SPIDR: variants seen among roughly 807,000 people sequenced by gnomAD.
The protein encoded by SPIDR is DNA repair-scaffolding protein.
SPIDR carries 93 observed loss-of-function variants against 104.6 expected under a neutral mutation model. That is an observed-to-expected ratio of 0.89 (90% CI 0.75 to 1.06). The LOEUF (loss-of-function observed/expected upper bound fraction) is 1.06, where lower values mean the gene tolerates loss of function less well. SPIDR is among the 50% of genes least tolerant of loss of function. The pLI is 0.00. For synonymous variants in SPIDR, 431 were observed against 416.9 expected, an observed-to-expected ratio of 1.03 and a Z score of -0.41; for missense variants, 1,154 against 1,111.2, an observed-to-expected ratio of 1.04 and a Z score of -0.55.
At chr8:47,433,863 A>G (rs1167635506) in intron 7 of SPIDR, among the ~76,000 whole-genome samples, 1 of 151,960 alleles carries the variant, frequency 6.6e-6, no homozygotes, top group Non-Finnish European at 1.5e-5. Context: ...ATTATGTTTA[A>G]TTAAAATTGT....
At chr8:47,552,745 A>AT (rs761788595) in intron 8 of SPIDR, among the ~76,000 whole-genome samples, 4 of 152,218 alleles carry the variant, frequency 2.6e-5, no homozygotes, top group Non-Finnish European at 4.4e-5. Context: ...TAATTGGAGC[A>AT]TTTAGCCCAT....
At chr8:47,724,397 G>T (rs2083892908) in intron 16 of SPIDR, among the ~76,000 whole-genome samples, 1 of 152,218 alleles carries the variant, frequency 6.6e-6, no homozygotes, top group Admixed American at 6.5e-5. Flanking sequence ...ACACCCACCA[G>T]CCACAGGTCT....
intron 5 of SPIDR, among the ~76,000 whole-genome samples, chr8:47,386,229 C>A (rs2059894266): frequency 6.6e-6 from 1 of 151,868 alleles, no homozygotes; most frequent in Admixed American, 6.6e-5. Context: ...GTGTTGGTAC[C>A]AAGCTTTTAA....
intron 16 of SPIDR, among the ~76,000 whole-genome samples, chr8:47,725,977 T>C (rs563320917): frequency 3.3e-5 from 5 of 152,376 alleles, no homozygotes; most frequent in Non-Finnish European, 7.3e-5. Flanking sequence ...GGGCCTTTGG[T>C]GGGCCTGCAG....
chr8:47,296,025 C>T (rs2040778562), intron 5 of SPIDR, among the ~76,000 whole-genome samples: 1 of 152,098 alleles, frequency 6.6e-6, no homozygotes, highest in South Asian at 2.1e-4. Context: ...CTGCATTTCC[C>T]TGGTGAGTGG....
At chr8:47,454,583 A>G (rs1276934452) in intron 8 of SPIDR, among the ~76,000 whole-genome samples, 1 of 152,162 alleles carries the variant, frequency 6.6e-6, no homozygotes, top group African/African-American at 2.4e-5. Flanking sequence ...ATGTGTACAT[A>G]TGTAACAAAC....
chr8:47,379,288 G>A (rs1481681775), intron 5 of SPIDR, among the ~76,000 whole-genome samples: 1 of 152,180 alleles, frequency 6.6e-6, no homozygotes, highest in Non-Finnish European at 1.5e-5. Flanking sequence ...GGTGGCTCAC[G>A]CCTGTAATCC....
At chr8:47,376,463 T>C (rs951152080) in intron 5 of SPIDR, among the ~76,000 whole-genome samples, 3 of 152,190 alleles carry the variant, frequency 2.0e-5, no homozygotes, top group African/African-American at 7.2e-5. Context: ...TTTACCCAGA[T>C]AAAGTTTGAA....
intron 11 of SPIDR, among the ~76,000 whole-genome samples, chr8:47,680,959 GAGGCAGAGGT>G (rs2077020456): frequency 6.6e-6 from 1 of 152,204 alleles, no homozygotes; most frequent in South Asian, 2.1e-4. Context: ...AGCTACTCAG[GAGGCAGAGGT>G]AGGCGAATCA....
chr8:47,567,227 A>AT (rs1330218240), intron 8 of SPIDR, among the ~76,000 whole-genome samples: 2,957 of 150,058 alleles, frequency 0.02, 91 homozygotes, highest in African/African-American at 0.068. Context: ...ATATATATAT[A>AT]TTTTTTTTCT....
rs1424935980 is a variant in SPIDR at position 47,488,543 on chromosome 8, C to CA, written c.1097+48002dup. Among the ~76,000 whole-genome samples the CA allele has an allele frequency of 2.0e-5, 3 of 152,076 alleles. No individual in the cohort carries two copies. The East Asian group carries it at 5.8e-4, about 29-fold the overall frequency. Reference sequence around the variant, plus strand: ...CTGATACCAAAGCCTGGCAGAGACACACAAAAAAAGACAATTTTAGACCAA... The same window carrying CA: ...CTGATACCAAAGCCTGGCAGAGACACAACAAAAAAAGACAATTTTAGACCAA... On this transcript the variant is annotated intron_variant, in intron 8 of 19. Coordinates refer to ENST00000297423, the MANE Select transcript of SPIDR (RefSeq NM_001080394.4).
At chr8:47,421,285 A>G (rs1311716988) in intron 7 of SPIDR, among the ~76,000 whole-genome samples, 4 of 152,082 alleles carry the variant, frequency 2.6e-5, no homozygotes, top group Admixed American at 2.6e-4. Context: ...ATAGTCCTAT[A>G]TTTCTTGGAG....
At chr8:47,266,916 A>G (rs2034196955) in intron 1 of SPIDR, among the ~76,000 whole-genome samples, 1 of 152,148 alleles carries the variant, frequency 6.6e-6, no homozygotes, top group Non-Finnish European at 1.5e-5. Context: ...TCCCTCATCC[A>G]TTGGCAACCA....
At chr8:47,657,369 G>C (rs992752010) in intron 10 of SPIDR, among the ~76,000 whole-genome samples, 10 of 152,126 alleles carry the variant, frequency 6.6e-5, no homozygotes, top group Admixed American at 5.9e-4. Context: ...TTTTAGAAGA[G>C]AGGACAGATG....
intron 10 of SPIDR, among the ~76,000 whole-genome samples, chr8:47,647,654 G>GAGAGAGAGAGAGAGAGAGAGA (rs60285328): frequency 1.0e-5 from 1 of 99,942 alleles, no homozygotes; most frequent in Non-Finnish European, 2.3e-5. Flanking sequence ...GAGAGAGAGA[G>GAGAGAGAGAGAGAGAGAGAGA]GGAGAGAGAG....
At chr8:47,296,125 C>G (rs2154241899) in intron 5 of SPIDR, among the ~76,000 whole-genome samples, 1 of 152,130 alleles carries the variant, frequency 6.6e-6, no homozygotes, top group African/African-American at 2.4e-5. Context: ...AAATTGGGTT[C>G]TTTGTTTTCT....
intron 8 of SPIDR, among the ~76,000 whole-genome samples, chr8:47,548,591 T>TC (rs1302085926): frequency 6.6e-6 from 1 of 152,176 alleles, no homozygotes; most frequent in Admixed American, 6.5e-5. Flanking sequence ...GAAGTTGCAG[T>TC]CAGCTGCGAT....
At chr8:47,357,747 GA>G (rs1235353936) in intron 5 of SPIDR, 7 of 419,684 alleles carry the variant, frequency 1.7e-5, no homozygotes, top group Non-Finnish European at 2.2e-5. Context: ...TTTTAAGAAA[GA>G]AATTTGAAGT....
chr8:47,523,359 A>G (rs754649352), intron 8 of SPIDR, among the ~76,000 whole-genome samples: 1 of 152,178 alleles, frequency 6.6e-6, no homozygotes, highest in African/African-American at 2.4e-5. Flanking sequence ...ACAAACGTCA[A>G]TTCTGTAGCC....
Sources: gnomAD v4.1 joint callset for allele counts (sites outside exome capture counted in the v4.1 genomes callset) on GRCh38, gnomAD v4.1.1 for gene constraint, MANE v1.5 for transcripts, NCBI Gene and HGNC (gene_info 2026-07-23, HGNC 2026-07-21) for gene names.